Variants in NXPE4 observed in about 807,000 individuals in gnomAD.
The protein encoded by NXPE4 is NXPE family member 4.
In NXPE4, 42 loss-of-function variants were observed where a neutral mutation model predicts 33.3. The observed-to-expected ratio is 1.26, with a 90% CI of 0.98 to 1.63. The LOEUF (loss-of-function observed/expected upper bound fraction) is 1.63. Ranked by LOEUF, NXPE4 falls within the 40% of genes most tolerant of loss-of-function variation. The probability of loss-of-function intolerance (pLI) is 0.00; values close to 1 mark genes in which losing one functional copy is unlikely to be tolerated. For synonymous variants in NXPE4, 253 were observed against 234.9 expected (o/e 1.08, Z -0.71); for missense variants, 709 against 647.6 (o/e 1.09, Z -1.03).
chr11:114,571,558 G>A, intron 5 of NXPE4, 85 bp from the exon 6 acceptor site: 1 of 1,192,906 alleles, frequency 8.4e-7, no homozygotes, highest in Non-Finnish European at 1.2e-6. Context: ...AGATTTGATT[G>A]GTATAATTAA....
chr11:114,645,003 TATTAA>T, the NXPE4 span, among the ~76,000 whole-genome samples: 1 of 151,450 alleles, frequency 6.6e-6, no homozygotes, highest in South Asian at 2.1e-4. Context: ...TTATTCACAC[TATTAA>T]AAAAAAAAAC....
chr11:114,673,143 T>C, the NXPE4 span, among the ~76,000 whole-genome samples: 1 of 149,736 alleles, frequency 6.7e-6, no homozygotes, highest in Non-Finnish European at 1.5e-5. Context: ...TGTGGCTATA[T>C]GGAATGAAAT....
chr11:114,630,952 T>G, the NXPE4 span, among the ~76,000 whole-genome samples: 4 of 150,692 alleles, frequency 2.7e-5, no homozygotes, highest in African/African-American at 9.8e-5. Context: ...ATCAGAGAAA[T>G]GCAAATCAAA....
At chr11:114,669,926 CA>C in the NXPE4 span, among the ~76,000 whole-genome samples, 1 of 151,958 alleles carries the variant, frequency 6.6e-6, no homozygotes, top group African/African-American at 2.4e-5. Context: ...TGCAAAAATT[CA>C]AAACATTGCA....
chr11:114,662,264 T>C, the NXPE4 span, among the ~76,000 whole-genome samples: 1 of 152,048 alleles, frequency 6.6e-6, no homozygotes, highest in Non-Finnish European at 1.5e-5. Context: ...TGTGAGGCCT[T>C]GAACTCAGTG....
the NXPE4 span, among the ~76,000 whole-genome samples, chr11:114,660,079 C>T: frequency 6.6e-6 from 1 of 152,018 alleles, no homozygotes; most frequent in Non-Finnish European, 1.5e-5. Context: ...CACAAACTAC[C>T]AACATTCACT....
At chr11:114,654,827 T>C in the NXPE4 span, among the ~76,000 whole-genome samples, 12 of 152,222 alleles carry the variant, frequency 7.9e-5, no homozygotes, top group Non-Finnish European at 1.5e-4. Flanking sequence ...TTCCTTTGGA[T>C]ATATACCCAG....
At chr11:114,636,804 T>G in the NXPE4 span, among the ~76,000 whole-genome samples, 1 of 152,292 alleles carries the variant, frequency 6.6e-6, no homozygotes, top group Admixed American at 6.5e-5. Context: ...GAGTTCTAGT[T>G]TGATTGCACT....
chr11:114,584,268 A>G, intron 2 of NXPE4: 1 of 497,028 alleles, frequency 2.0e-6, no homozygotes, highest in Non-Finnish European at 4.1e-6. Context: ...AATACTTTGG[A>G]CCATATTTCA....
chr11:114,638,502 T>C, the NXPE4 span, among the ~76,000 whole-genome samples: 15 of 152,202 alleles, frequency 9.9e-5, no homozygotes, highest in South Asian at 3.1e-3. Flanking sequence ...GTTCCATTGC[T>C]GGTGAGGAAC....
the NXPE4 span, among the ~76,000 whole-genome samples, chr11:114,621,478 G>A: frequency 6.6e-6 from 1 of 152,134 alleles, no homozygotes; most frequent in Non-Finnish European, 1.5e-5. Flanking sequence ...TTGCCTCATG[G>A]GTAACCTCTA....
chr11:114,635,802 C>T, the NXPE4 span, among the ~76,000 whole-genome samples: 6 of 152,084 alleles, frequency 3.9e-5, no homozygotes, highest in Non-Finnish European at 7.4e-5. Context: ...GGCTTGCATC[C>T]CAGGGATGAA....
At chr11:114,647,302 C>T in the NXPE4 span, among the ~76,000 whole-genome samples, 1 of 152,082 alleles carries the variant, frequency 6.6e-6, no homozygotes. Context: ...TTGTACTGTG[C>T]TTATGAGCTT....
At chr11:114,597,412 C>G (rs1949586632), upstream of NXPE4, among the ~76,000 whole-genome samples, 1 of 152,084 alleles carries the variant, frequency 6.6e-6, no homozygotes, top group Non-Finnish European at 1.5e-5. Flanking sequence ...GAGAAAGAAA[C>G]TATAAACAAG....
chr11:114,600,695 C>T (rs947811937), upstream of NXPE4, among the ~76,000 whole-genome samples: 6 of 151,906 alleles, frequency 3.9e-5, no homozygotes, highest in Admixed American at 6.6e-5. Flanking sequence ...AGGACATTAA[C>T]GGAAAAACTA....
chr11:114,572,555 A>G (rs952818229), intron 5 of NXPE4, among the ~76,000 whole-genome samples: 12 of 152,238 alleles, frequency 7.9e-5, no homozygotes, highest in African/African-American at 2.7e-4. Flanking sequence ...GGATACACTT[A>G]GAGAAATGCA....
Position 114,570,885 on chromosome 11 carries a change from A to G in NXPE4, c.*53T>C, listed in dbSNP as rs912051679. ...AACACAGCATCTGGCCTGCTAGTAGACAGTCAATAAATTTTTTTACTTAAG... is the reference window on the plus strand; with the variant it reads ...AACACAGCATCTGGCCTGCTAGTAGGCAGTCAATAAATTTTTTTACTTAAG... On this transcript the variant is annotated 3_prime_UTR_variant, in exon 6 of 6. Transcript: ENST00000375478. The G allele has an allele frequency of 2.3e-5, 29 of 1,287,970 alleles. No homozygotes were observed. Among genetic ancestry groups the G allele is most frequent in the Non-Finnish European group, 2.7e-5 (25 of 933,990 alleles). 79.8% of individuals were successfully genotyped at this position (1,287,970 alleles called of 1,614,324 possible).
chr11:114,650,599 A>T, the NXPE4 span, among the ~76,000 whole-genome samples: 3 of 152,078 alleles, frequency 2.0e-5, no homozygotes, highest in Non-Finnish European at 4.4e-5. Context: ...CAAAGGGAGG[A>T]GGTGGAAGAA....
chr11:114,579,101 T>C (rs1247629883), intron 5 of NXPE4, among the ~76,000 whole-genome samples: 1 of 152,216 alleles, frequency 6.6e-6, no homozygotes, highest in Non-Finnish European at 1.5e-5. Flanking sequence ...CATCGGCATC[T>C]GTTCAGCATC....
Sources: allele counts gnomAD v4.1 joint callset (sites outside exome capture counted in the v4.1 genomes callset), GRCh38; gene constraint gnomAD v4.1.1; transcripts MANE v1.5; gene names NCBI Gene and HGNC (gene_info 2026-07-23, HGNC 2026-07-21).